TDRD15: variants seen among roughly 807,000 people sequenced by gnomAD.
The protein encoded by TDRD15 is tudor domain containing 15, also known as tudor domain-containing protein 15.
For missense variants in TDRD15, 1,416 were observed against 904.7 expected (o/e 1.57, Z -7.25); for synonymous variants, 503 against 314.5 (o/e 1.60, Z -6.34).
In TDRD15 at chr2:21,138,369, GA is replaced by G. The variant is rs1558298791; in HGVS notation, c.905del (p.Asn302MetfsTer18). 1 of 716,524 alleles carries G rather than the reference GA, an allele frequency of 1.4e-6. No individual in the cohort carries two copies. The highest frequency in any genetic ancestry group is 2.6e-6 in the Non-Finnish European group (1 of 384,440). The allele number at this position is 716,524 out of a possible 1,614,324, so 44.4% of individuals were successfully genotyped here. A position where few individuals can be genotyped will look rare whatever the true frequency, so the allele number is the denominator to read the frequency against. ...NFGLLCVARR[R>X]NGQWHRGILQ... ...GGACTGCTTTGTGTTGCCAGAAGGC[GA>G]AATGGACAGTGGCATAGAGGAATTC... On this transcript the variant is annotated frameshift_variant, in exon 4 of 4. Coordinates refer to ENST00000405799, the MANE Select transcript of TDRD15 (RefSeq NM_001306137.2). LOFTEE classifies it low-confidence loss of function (END_TRUNC).
At position 21,139,871 on chromosome 2, in the gene TDRD15, A is replaced by G; in HGVS notation, c.2404A>G (p.Ile802Val). The G allele has an allele frequency of 1.4e-6, 1 of 715,912 alleles. No individual in the cohort carries two copies. Among genetic ancestry groups the G allele is most frequent in the South Asian group, 1.5e-5 (1 of 67,534 alleles). The allele number at this position is 715,912 out of a possible 1,614,324, so 44.3% of individuals were successfully genotyped here. The change falls in exon 4 of 4, where the codon ATT becomes GTT. Residue 802 changes from isoleucine to valine, a missense_variant. Ile to Val is a conservative substitution (Grantham distance 29, BLOSUM62 3). Transcript: ENST00000405799. ...TAGTATTCATTCTGATCCTTATGAG[A>G]TTGGGCAGACTGCTTGTGTTGCTAA... ...YYSIHSDPYE[I>V]GQTACVAKYS...
Position 21,141,410 on chromosome 2 carries a change from G to C in TDRD15, c.3943G>C (p.Ala1315Pro). The C allele has an allele frequency of 2.8e-6, 2 of 713,254 alleles. No homozygotes were observed. Among genetic ancestry groups the C allele is most frequent in the South Asian group, 3.0e-5 (2 of 66,848 alleles). The allele number at this position is 713,254 out of a possible 1,614,324, so 44.2% of individuals were successfully genotyped here. The change falls in exon 4 of 4, where the codon GCT (alanine) becomes CCT (proline). Residue 1315 changes from alanine (A) to proline (P), a missense_variant. Transcript: ENST00000405799. Reference sequence around the variant, plus strand: ...TCCAGCGAATTTCCATATTCAGCTTGCTGAGAATGAAAGTGTAATTATCAG... The same window carrying C: ...TCCAGCGAATTTCCATATTCAGCTTCCTGAGAATGAAAGTGTAATTATCAG... Reference protein sequence around the residue: ...SNPANFHIQLAENESVIIRLA... With the variant: ...SNPANFHIQLPENESVIIRLA...
At chr2:21,136,729 A>G (rs1244602252) in intron 3 of TDRD15, among the ~76,000 whole-genome samples, 1 of 152,064 alleles carries the variant, frequency 6.6e-6, no homozygotes, top group African/African-American at 2.4e-5. Flanking sequence ...CTAAAAATCC[A>G]CAGATTAGCT....
At chr2:21,129,687 G>GT (rs532112566) in intron 2 of TDRD15, among the ~76,000 whole-genome samples, 3 of 151,808 alleles carry the variant, frequency 2.0e-5, no homozygotes, top group African/African-American at 7.3e-5. Flanking sequence ...TGGAGTACAA[G>GT]TTTTTTTTAA....
rs1332902862 is a variant in TDRD15 at position 21,141,313 on chromosome 2, G to A, written c.3846G>A (p.Gln1282=). 1.4e-6 allele frequency: 1 copy of A among 715,886 alleles called. No homozygotes were observed. The highest frequency in any genetic ancestry group is 2.6e-6 in the Non-Finnish European group (1 of 383,916). The allele number at this position is 715,886 out of a possible 1,614,324, so 44.3% of individuals were successfully genotyped here. Reference sequence around the variant, plus strand: ...ACCCATATGACCTTATTAGGCCACAGATCAAAGACCTTCCTCAACCGCAAA... The same window carrying A: ...ACCCATATGACCTTATTAGGCCACAAATCAAAGACCTTCCTCAACCGCAAA... ...SQNPYDLIRP[Q]IKDLPQPQIY... The change falls in exon 4 of 4, where the codon CAG becomes CAA. Residue 1282 remains glutamine (Q), a synonymous_variant. Coordinates refer to ENST00000405799, the MANE Select transcript of TDRD15 (RefSeq NM_001306137.2).
At chr2:21,145,768 T>TTAC (rs1304751279), downstream of TDRD15, among the ~76,000 whole-genome samples, 4 of 151,982 alleles carry the variant, frequency 2.6e-5, no homozygotes, top group Admixed American at 2.6e-4. Context: ...ACCACCTCTA[T>TTAC]TACTCTTCCA....
At position 21,137,999 on chromosome 2, in the gene TDRD15, G is replaced by A. The variant is rs796716084; in HGVS notation, c.532G>A (p.Glu178Lys). Reference protein sequence around the residue: ...EVPKIISQALELQLGRLVDGD... With the variant: ...EVPKIISQALKLQLGRLVDGD... Reference sequence around the variant, plus strand: ...GCCAAAAATTATATCTCAGGCTCTCGAGTTACAATTAGGAAGACTTGTTGA... The same window carrying A: ...GCCAAAAATTATATCTCAGGCTCTCAAGTTACAATTAGGAAGACTTGTTGA... The change falls in exon 4 of 4, where the codon GAG (glutamate) becomes AAG (lysine). Residue 178 changes from glutamate to lysine, a missense_variant. By Grantham distance (56) the Glu-to-Lys change is moderately conservative. Coordinates refer to ENST00000405799, the MANE Select transcript of TDRD15 (RefSeq NM_001306137.2). The A allele has an allele frequency of 8.4e-6, 6 of 716,708 alleles. No homozygotes were observed. Among genetic ancestry groups the A allele is most frequent in the African/African-American group, 5.2e-5 (3 of 57,274 alleles). 44.4% of individuals were successfully genotyped at this position (716,708 alleles called of 1,614,324 possible).
chr2:21,142,601 T>A lies in TDRD15; in HGVS notation c.5134T>A (p.Ser1712Thr), dbSNP rs1231988658. 1.4e-6 allele frequency: 1 copy of A among 712,814 alleles called. No homozygotes were observed. Among genetic ancestry groups the A allele is most frequent in the Admixed American group, 2.0e-5 (1 of 49,626 alleles). The allele number at this position is 712,814 out of a possible 1,614,324, so 44.2% of individuals were successfully genotyped here. A position where few individuals can be genotyped will look rare whatever the true frequency, so the allele number is the denominator to read the frequency against. Residue 1712 changes from serine (S) to threonine (T), a missense_variant, in exon 4 of 4, where the codon TCT becomes ACT. Physicochemically the swap from Ser to Thr is moderately conservative, Grantham distance 58 (BLOSUM62 1). Transcript: ENST00000405799. ...TGCAGAAATTGTTTACAACATTGAATCTAAGACTCCTGTATCATCATGCAC... is the reference window on the plus strand; with the variant it reads ...TGCAGAAATTGTTTACAACATTGAAACTAAGACTCCTGTATCATCATGCAC... ...RLAEIVYNIE[S>T]KTPVSSCTIK... is the part of the protein sequence containing the mutation.
At chr2:21,137,194 C>T (rs139479095) in intron 3 of TDRD15, among the ~76,000 whole-genome samples, 333 of 152,054 alleles carry the variant, frequency 2.2e-3, no homozygotes, top group African/African-American at 7.6e-3. Context: ...AAGGTTGCTC[C>T]TCTCTGTTTT....
chr2:21,130,105 T>C (rs1221673281), intron 2 of TDRD15, among the ~76,000 whole-genome samples: 1 of 152,214 alleles, frequency 6.6e-6, no homozygotes, highest in Non-Finnish European at 1.5e-5. Flanking sequence ...CCCTATTAAA[T>C]GTCCCACATC....
chr2:21,124,957 G>A (rs1022355367), intron 1 of TDRD15, among the ~76,000 whole-genome samples: 2 of 149,900 alleles, frequency 1.3e-5, no homozygotes, highest in African/African-American at 4.9e-5. Context: ...ATGCCAGGGT[G>A]TGTGAGCATG....
chr2:21,140,967 C>A lies in TDRD15; in HGVS notation c.3500C>A (p.Thr1167Asn), dbSNP rs764721148. The change falls in exon 4 of 4, where the codon ACT (threonine) becomes AAT (asparagine). Residue 1167 changes from threonine to asparagine, a missense_variant. Thr to Asn is a moderately conservative substitution (Grantham distance 65). Coordinates refer to ENST00000405799, the MANE Select transcript of TDRD15 (RefSeq NM_001306137.2). ...NKINENKRFT[T>N]SLKGKTGNNY... ...ATAAATGAGAATAAGAGATTTACTACTTCTTTGAAAGGCAAAACAGGAAAC... is the reference window on the plus strand; with the variant it reads ...ATAAATGAGAATAAGAGATTTACTAATTCTTTGAAAGGCAAAACAGGAAAC... 1 of 713,978 alleles carries A rather than the reference C, an allele frequency of 1.4e-6. No homozygotes were observed. The highest frequency in any genetic ancestry group is 1.5e-5 in the South Asian group (1 of 67,028). 44.2% of individuals were successfully genotyped at this position (713,978 alleles called of 1,614,324 possible).
downstream of TDRD15, among the ~76,000 whole-genome samples, chr2:21,144,706 T>A (rs1287265585): frequency 2.0e-5 from 3 of 152,070 alleles, no homozygotes; most frequent in East Asian, 3.9e-4. Flanking sequence ...AGGAACCTAA[T>A]AACTAGTATT....
chr2:21,130,500 A>C (rs552746900), intron 2 of TDRD15, among the ~76,000 whole-genome samples: 1 of 152,354 alleles, frequency 6.6e-6, no homozygotes, highest in South Asian at 2.1e-4. Context: ...TATATCCCCC[A>C]AAATTCCTTG....
At chr2:21,125,445 TGTGTGA>T (rs1359134438) in intron 1 of TDRD15, among the ~76,000 whole-genome samples, 1 of 151,312 alleles carries the variant, frequency 6.6e-6, no homozygotes, top group Non-Finnish European at 1.5e-5. Flanking sequence ...TGTGTGTGTG[TGTGTGA>T]GTGTGAGAGA....
intron 2 of TDRD15, among the ~76,000 whole-genome samples, chr2:21,128,940 T>C (rs967747542): frequency 2.0e-5 from 3 of 151,720 alleles, no homozygotes; most frequent in Non-Finnish European, 4.4e-5. Flanking sequence ...AATGTTATTG[T>C]TATTTATTTT....
At chr2:21,129,251 C>G (rs1008493437) in intron 2 of TDRD15, among the ~76,000 whole-genome samples, 15 of 152,084 alleles carry the variant, frequency 9.9e-5, no homozygotes, top group African/African-American at 3.4e-4. Context: ...TGGTCTATAT[C>G]TAGTAATGGA....
chr2:21,128,836 G>T (rs1665652302), intron 2 of TDRD15, among the ~76,000 whole-genome samples: 1 of 148,568 alleles, frequency 6.7e-6, no homozygotes. Context: ...AGAAATGTAT[G>T]GCCATTTATA....
chr2:21,133,326 A>G (rs1665754002), intron 2 of TDRD15, among the ~76,000 whole-genome samples: 1 of 152,170 alleles, frequency 6.6e-6, no homozygotes, highest in Non-Finnish European at 1.5e-5. Context: ...AGGAAGAATT[A>G]TTAAGCAGAT....
Sources: allele counts gnomAD v4.1 joint callset (sites outside exome capture counted in the v4.1 genomes callset), GRCh38; gene constraint gnomAD v4.1.1; transcripts MANE v1.5; gene names NCBI Gene and HGNC (gene_info 2026-07-23, HGNC 2026-07-21).